MACROD2: variants seen among roughly 807,000 people sequenced by gnomAD.
The protein encoded by MACROD2 is ADP-ribose glycohydrolase MACROD2.
MACROD2 carries 36 observed loss-of-function variants against 70.4 expected under a neutral mutation model. That is an observed-to-expected ratio of 0.51 (90% CI 0.39 to 0.68). The LOEUF is 0.68. MACROD2 is among the 30% of genes least tolerant of loss of function. The pLI is 0.00. For synonymous variants in MACROD2, 172 were observed against 178.8 expected (o/e 0.96, Z 0.30); for missense variants, 496 against 538.4 (o/e 0.92, Z 0.78).
chr20:15,280,992 A>C (rs1373715185), intron 6 of MACROD2: 1 of 152,318 alleles, frequency 6.6e-6, no homozygotes, highest in Non-Finnish European at 1.5e-5. Flanking sequence ...ACTTACAATC[A>C]TGGCAGAAGG....
intron 6 of MACROD2, among the ~76,000 whole-genome samples, chr20:15,256,939 T>A (rs998216918): frequency 6.6e-6 from 1 of 151,842 alleles, no homozygotes; most frequent in African/African-American, 2.4e-5. Flanking sequence ...GAAAAAAAAA[T>A]TATTCTGCAA....
chr20:14,427,557 A>G (rs1009601757), intron 3 of MACROD2, among the ~76,000 whole-genome samples: 2 of 151,912 alleles, frequency 1.3e-5, no homozygotes, highest in African/African-American at 2.4e-5. Context: ...ATCTCACTAT[A>G]TTATATATGT....
At chr20:15,515,691 T>C (rs578177478) in intron 8 of MACROD2, among the ~76,000 whole-genome samples, 1 of 152,342 alleles carries the variant, frequency 6.6e-6, no homozygotes, top group East Asian at 1.9e-4. Context: ...TCTTAAATGA[T>C]GGAGCTGAGC....
chr20:15,563,102 T>C (rs1160828913), intron 8 of MACROD2, among the ~76,000 whole-genome samples: 1 of 152,222 alleles, frequency 6.6e-6, no homozygotes, highest in African/African-American at 2.4e-5. Context: ...CATGCACAAA[T>C]GCTTATTCGC....
intron 8 of MACROD2, among the ~76,000 whole-genome samples, chr20:15,519,055 TTTCCTTCCTTCCTTCCTTCCTTCCTTCC>T (rs373164988): frequency 1.8e-4 from 21 of 116,426 alleles, no homozygotes; most frequent in African/African-American, 3.2e-4. Context: ...TAACTCGCTC[TTTCCTTCCTTCCTTCCTTCCTTCCTTCC>T]TTCCTTCCTT....
intron 5 of MACROD2, among the ~76,000 whole-genome samples, chr20:14,787,083 A>G (rs1366053149): frequency 6.6e-6 from 1 of 152,158 alleles, no homozygotes; most frequent in Non-Finnish European, 1.5e-5. Flanking sequence ...GATCATTGCT[A>G]CCAAGAATTT....
chr20:14,856,743 G>A (rs2073259058), intron 5 of MACROD2, among the ~76,000 whole-genome samples: 1 of 152,130 alleles, frequency 6.6e-6, no homozygotes, highest in Admixed American at 6.5e-5. Context: ...TGTCCATGCT[G>A]CTGGTGTGAG....
chr20:14,606,874 A>T (rs1982840701), intron 4 of MACROD2, among the ~76,000 whole-genome samples: 1 of 152,200 alleles, frequency 6.6e-6, no homozygotes, highest in Non-Finnish European at 1.5e-5. Flanking sequence ...TAACTTAAAA[A>T]TGCATAAAAA....
rs76901674 is a variant in MACROD2, at chr20:15,473,503, T to C, written c.572-26271T>C. The stretch of plus-strand genomic sequence containing the variant: ...TTTATCATCTATCAGGGAGTAACTT[T>C]TGCCTGAAGACATCCCCCCAGGACA... On this transcript the variant is annotated intron_variant, in intron 7 of 17. Coordinates refer to ENST00000684519, the MANE Select transcript of MACROD2 (RefSeq NM_001351661.2). Among the ~76,000 whole-genome samples, 977 of 152,274 alleles carry C rather than the reference T, an allele frequency of 6.4e-3. 13 individuals are homozygous for C. The highest frequency in any genetic ancestry group is 0.022 in the African/African-American group (912 of 41,554).
At chr20:15,281,550 T>A (rs764765692) in intron 6 of MACROD2, among the ~76,000 whole-genome samples, 31 of 152,192 alleles carry the variant, frequency 2.0e-4, no homozygotes, top group Admixed American at 3.3e-4. Flanking sequence ...AGAGCCCTCA[T>A]TAAACCTCAA....
intron 5 of MACROD2, among the ~76,000 whole-genome samples, chr20:14,736,671 A>G (rs2076841856): frequency 1.3e-5 from 2 of 152,168 alleles, no homozygotes; most frequent in South Asian, 4.1e-4. Context: ...GGATTTGCCC[A>G]TTTAATCATC....
chr20:14,532,548 A>G (rs2085319913), intron 4 of MACROD2, among the ~76,000 whole-genome samples: 1 of 152,036 alleles, frequency 6.6e-6, no homozygotes, highest in African/African-American at 2.4e-5. Flanking sequence ...TAAGGACAAG[A>G]TTTGTGCAGT....
intron 13 of MACROD2, among the ~76,000 whole-genome samples, chr20:15,982,533 G>A (rs904872414): frequency 3.3e-5 from 5 of 152,108 alleles, no homozygotes; most frequent in Non-Finnish European, 5.9e-5. Context: ...CTTTGCAGGG[G>A]TGGGTGAAGC....
intron 8 of MACROD2, among the ~76,000 whole-genome samples, chr20:15,548,027 C>T (rs543324525): frequency 1.3e-5 from 2 of 152,242 alleles, no homozygotes; most frequent in South Asian, 4.1e-4. Flanking sequence ...ATCCAAATAA[C>T]CCTTCTCTCA....
At chr20:15,263,139 C>T (rs1263182247) in intron 6 of MACROD2, among the ~76,000 whole-genome samples, 1 of 151,816 alleles carries the variant, frequency 6.6e-6, no homozygotes, top group Non-Finnish European at 1.5e-5. Context: ...GGAGAGTATC[C>T]CCATTGTTTT....
intron 5 of MACROD2, chr20:15,196,785 G>C: frequency 3.7e-6 from 3 of 807,616 alleles, no homozygotes; most frequent in Non-Finnish European, 4.5e-6. Context: ...ACCCACTTCA[G>C]CCACCCCATA....
chr20:14,953,258 G>A (rs1444138289), intron 5 of MACROD2, among the ~76,000 whole-genome samples: 1 of 152,034 alleles, frequency 6.6e-6, no homozygotes, highest in Admixed American at 6.6e-5. Context: ...CTCCCATAAA[G>A]TTGTGACCTT....
At chr20:14,835,812 T>C (rs1175758258) in intron 5 of MACROD2, among the ~76,000 whole-genome samples, 1 of 152,054 alleles carries the variant, frequency 6.6e-6, no homozygotes, top group Non-Finnish European at 1.5e-5. Flanking sequence ...TGCCAGACAG[T>C]GTGTTAGGTC....
At chr20:14,937,722 T>TAC (rs1429055054) in intron 5 of MACROD2, among the ~76,000 whole-genome samples, 1 of 152,178 alleles carries the variant, frequency 6.6e-6, no homozygotes, top group Non-Finnish European at 1.5e-5. Flanking sequence ...TTTTGAAATA[T>TAC]ACAATAGATT....
Sources: allele counts gnomAD v4.1 joint callset (sites outside exome capture counted in the v4.1 genomes callset), GRCh38; gene constraint gnomAD v4.1.1; transcripts MANE v1.5; gene names NCBI Gene and HGNC (gene_info 2026-07-23, HGNC 2026-07-21).